The following ERC2 variants were observed in gnomAD, a reference collection of about 807,000 sequenced individuals.
ERC2 encodes the protein ELKS/RAB6-interacting/CAST family member 2.
Under a neutral mutation model 114.8 loss-of-function variants are expected in ERC2, and 42 were observed. The observed-to-expected ratio is 0.37, with a 90% CI of 0.29 to 0.47. The LOEUF is 0.47. Ranked by LOEUF, ERC2 falls within the 20% of genes least tolerant of loss-of-function variation. ERC2 has a pLI of 0.99. For synonymous variants in ERC2, 454 were observed against 425.5 expected (o/e 1.07, Z -0.82); for missense variants, 939 against 1,150.7 (o/e 0.82, Z 2.66).
chr3:56,307,292 C>T (rs760652467), intron 2 of ERC2, among the ~76,000 whole-genome samples: 1 of 152,170 alleles, frequency 6.6e-6, no homozygotes, highest in Non-Finnish European at 1.5e-5. Context: ...ATATTTTTTG[C>T]CTTTCCAAAG....
At chr3:56,007,937 T>C (rs1272592070) in intron 9 of ERC2, among the ~76,000 whole-genome samples, 2 of 152,078 alleles carry the variant, frequency 1.3e-5, no homozygotes, top group African/African-American at 4.8e-5. Flanking sequence ...AGACATAGGG[T>C]TACCTAAATT....
chr3:56,348,633 G>T (rs13080589), intron 2 of ERC2, among the ~76,000 whole-genome samples: 41,270 of 150,860 alleles, frequency 0.27, 5,856 homozygotes, highest in Admixed American at 0.31. Context: ...ATATTTTATT[G>T]AACACTCTGT....
intron 17 of ERC2, among the ~76,000 whole-genome samples, chr3:55,635,260 C>T (rs1016672084): frequency 2.0e-5 from 3 of 151,842 alleles, no homozygotes; most frequent in Non-Finnish European, 2.9e-5. Flanking sequence ...TAAAGGTATG[C>T]GAATATTTAG....
chr3:56,274,806 C>T (rs980398357), intron 3 of ERC2, among the ~76,000 whole-genome samples: 6 of 152,042 alleles, frequency 3.9e-5, no homozygotes, highest in South Asian at 2.1e-4. Flanking sequence ...CATACTAAGG[C>T]GATGACATGG....
At chr3:56,115,360 C>T (rs2079170226) in intron 6 of ERC2, among the ~76,000 whole-genome samples, 1 of 152,110 alleles carries the variant, frequency 6.6e-6, no homozygotes, top group Non-Finnish European at 1.5e-5. Flanking sequence ...GCCCCTATCC[C>T]CTCCTCGAAG....
intron 13 of ERC2, among the ~76,000 whole-genome samples, chr3:55,926,308 A>G (rs2065743715): frequency 6.6e-6 from 1 of 152,060 alleles, no homozygotes; most frequent in Non-Finnish European, 1.5e-5. Flanking sequence ...CCCATGGAGT[A>G]AATTCAAGGT....
intron 8 of ERC2, among the ~76,000 whole-genome samples, chr3:56,012,552 GATC>G (rs1438128566): frequency 6.6e-6 from 1 of 152,096 alleles, no homozygotes; most frequent in East Asian, 1.9e-4. Flanking sequence ...CTCAATTAGG[GATC>G]ATCTTGGCTT....
intron 17 of ERC2, among the ~76,000 whole-genome samples, chr3:55,626,844 T>C (rs1341628429): frequency 2.0e-5 from 3 of 152,240 alleles, no homozygotes; most frequent in African/African-American, 7.2e-5. Context: ...CAGGTGACCC[T>C]GGACAAGTAA....
intron 13 of ERC2, among the ~76,000 whole-genome samples, chr3:55,893,800 G>A (rs1335176593): frequency 6.6e-6 from 1 of 152,058 alleles, no homozygotes; most frequent in Non-Finnish European, 1.5e-5. Context: ...TGTATAATAA[G>A]GTAGAACATA....
chr3:56,312,091 C>A (rs758851488), intron 2 of ERC2, among the ~76,000 whole-genome samples: 2 of 152,074 alleles, frequency 1.3e-5, no homozygotes, highest in Non-Finnish European at 2.9e-5. Context: ...TGCAATACTA[C>A]GCCATTTTAT....
intron 2 of ERC2, among the ~76,000 whole-genome samples, chr3:56,426,206 G>T (rs553845234): frequency 6.6e-6 from 1 of 152,342 alleles, no homozygotes; most frequent in East Asian, 1.9e-4. Context: ...CTAGTGGAAA[G>T]AAGGGAGCCT....
At chr3:56,282,678 G>C (rs1413869038) in intron 3 of ERC2, among the ~76,000 whole-genome samples, 3 of 151,102 alleles carry the variant, frequency 2.0e-5, no homozygotes, top group Non-Finnish European at 4.4e-5. Context: ...TCTAACAGTG[G>C]TGCTGCTGCT....
In ERC2 at chr3:55,589,915, G is replaced by A. The variant is rs1272093192; in HGVS notation, c.*40-78639C>T. 3.9e-5 allele frequency among the ~76,000 whole-genome samples: 6 copies of A among 152,124 alleles called. No individual in the cohort carries two copies. The East Asian group carries it at 1.2e-3, about 29-fold the overall frequency. On this transcript the variant is annotated intron_variant, in intron 17 of 17. Coordinates refer to ENST00000288221, the MANE Select transcript of ERC2 (RefSeq NM_015576.3). ...AAGAGAAGGCCCTGTGCAGCACACTGAAGGATTATTACTGCCTTTCACTCC... is the reference window on the plus strand; with the variant it reads ...AAGAGAAGGCCCTGTGCAGCACACTAAAGGATTATTACTGCCTTTCACTCC...
chr3:56,348,751 T>TG (rs2058407799), intron 2 of ERC2, among the ~76,000 whole-genome samples: 1 of 151,816 alleles, frequency 6.6e-6, no homozygotes, highest in South Asian at 2.1e-4. Flanking sequence ...GACAAAGATT[T>TG]GACGATTGAA....
At chr3:56,426,996 TAAAAAAAA>T (rs537295354) in intron 2 of ERC2, among the ~76,000 whole-genome samples, 7 of 79,554 alleles carry the variant, frequency 8.8e-5, no homozygotes, top group African/African-American at 2.9e-4. Context: ...ACCTCATCTC[TAAAAAAAA>T]AAAAAAAAAA....
At chr3:56,045,314 A>G (rs970339291) in intron 7 of ERC2, among the ~76,000 whole-genome samples, 1 of 152,218 alleles carries the variant, frequency 6.6e-6, no homozygotes, top group East Asian at 1.9e-4. Flanking sequence ...CACTTCTTCA[A>G]TTAGATTCAC....
intron 2 of ERC2, among the ~76,000 whole-genome samples, chr3:56,316,683 A>G (rs1164986243): frequency 6.6e-6 from 1 of 152,228 alleles, no homozygotes; most frequent in African/African-American, 2.4e-5. Context: ...AAGAGTAAAA[A>G]TAACTATTAT....
intron 17 of ERC2, among the ~76,000 whole-genome samples, chr3:55,516,512 G>A (rs2107166860): frequency 7.0e-6 from 1 of 142,512 alleles, no homozygotes; most frequent in East Asian, 2.4e-4. Flanking sequence ...GCAATAAAAT[G>A]TAACACTTCA....
intron 7 of ERC2, among the ~76,000 whole-genome samples, chr3:56,030,038 A>G (rs1164445584): frequency 2.6e-5 from 4 of 152,068 alleles, no homozygotes; most frequent in Admixed American, 2.6e-4. Context: ...AGTTTCATGT[A>G]TGTTTTTCCT....
Sources: gnomAD v4.1 joint callset for allele counts (sites outside exome capture counted in the v4.1 genomes callset) on GRCh38, gnomAD v4.1.1 for gene constraint, MANE v1.5 for transcripts, NCBI Gene and HGNC (gene_info 2026-07-23, HGNC 2026-07-21) for gene names.